CCDC170: variants seen among roughly 807,000 people sequenced by gnomAD.
The protein encoded by CCDC170 is coiled-coil domain-containing protein 170.
Under a neutral mutation model 72.6 loss-of-function variants are expected in CCDC170, and 69 were observed. The ratio of observed to expected loss-of-function variants is 0.95; its 90% CI spans 0.78 to 1.16. The LOEUF (loss-of-function observed/expected upper bound fraction) is 1.16, where lower values mean the gene tolerates loss of function less well. Ranked by LOEUF, CCDC170 falls within the 50% of genes most tolerant of loss-of-function variation. The pLI, the probability that CCDC170 is intolerant of heterozygous loss-of-function variation, is 0.00. For synonymous variants in CCDC170, 300 were observed against 303.9 expected, an observed-to-expected ratio of 0.99 and a Z score of 0.13; for missense variants, 852 against 832.5, an observed-to-expected ratio of 1.02 and a Z score of -0.29.
intron 5 of CCDC170, among the ~76,000 whole-genome samples, chr6:151,570,442 A>G (rs557938339): frequency 5.3e-5 from 8 of 152,360 alleles, no homozygotes; most frequent in African/African-American, 1.4e-4. Flanking sequence ...AAATAACAAA[A>G]CAACAATAAA....
At chr6:151,521,273 T>G (rs542788382) in intron 1 of CCDC170, among the ~76,000 whole-genome samples, 1 of 152,308 alleles carries the variant, frequency 6.6e-6, no homozygotes, top group South Asian at 2.1e-4. Flanking sequence ...AGTCTACCTA[T>G]GCCTGTCCCA....
In CCDC170 at chr6:151,494,047, C is replaced by T. The variant is rs1297385834; in HGVS notation, c.-82C>T. ...GTTTACCCGTTGCCCGAGGAGACACCCGCGCCACCCGCCGGCTCCCGGCGC... is the reference window on the plus strand; with the variant it reads ...GTTTACCCGTTGCCCGAGGAGACACTCGCGCCACCCGCCGGCTCCCGGCGC... On this transcript the variant is annotated 5_prime_UTR_variant, in exon 1 of 11. Coordinates refer to ENST00000239374, the MANE Select transcript of CCDC170 (RefSeq NM_025059.4). The T allele has an allele frequency of 5.9e-6, 8 of 1,348,090 alleles. No individual in the cohort carries two copies. The African/African-American group carries it at 7.7e-5, about 13-fold the overall frequency. The allele number at this position is 1,348,090 out of a possible 1,614,324, so 83.5% of individuals were successfully genotyped here.
At chr6:151,495,453 T>C (rs1225711001) in intron 1 of CCDC170, among the ~76,000 whole-genome samples, 1 of 152,028 alleles carries the variant, frequency 6.6e-6, no homozygotes, top group Non-Finnish European at 1.5e-5. Flanking sequence ...GATTCTTTCT[T>C]TCTCTCTCCT....
chr6:151,563,058 G>A (rs546526703), intron 5 of CCDC170, among the ~76,000 whole-genome samples: 1 of 152,310 alleles, frequency 6.6e-6, no homozygotes, highest in East Asian at 1.9e-4. Context: ...GGGCTGAGGG[G>A]AGAGTCTCTT....
chr6:151,499,604 C>CATTCTGTGTAAGTGGAATCATGCT (rs1562820276), intron 1 of CCDC170, among the ~76,000 whole-genome samples: 17 of 79,796 alleles, frequency 2.1e-4, no homozygotes, highest in South Asian at 8.4e-4. Context: ...GGAATCAGAC[C>CATTCTGTGTAAGTGGAATCATGCT]GTATTTGACT....
At chr6:151,561,755 C>T (rs59598581) in intron 5 of CCDC170, among the ~76,000 whole-genome samples, 7,837 of 152,028 alleles carry the variant, frequency 0.052, 300 homozygotes, top group East Asian at 0.21. Flanking sequence ...GGATGTCAAC[C>T]TCTTTAGCAA....
At chr6:151,511,350 T>C (rs1453576337) in intron 1 of CCDC170, among the ~76,000 whole-genome samples, 1 of 152,230 alleles carries the variant, frequency 6.6e-6, no homozygotes, top group Non-Finnish European at 1.5e-5. Flanking sequence ...CAGGTATTTT[T>C]ATCTTTGACG....
In CCDC170 at chr6:151,554,878, T is replaced by G. The variant is rs990764755; in HGVS notation, c.774+6389T>G. Among the ~76,000 whole-genome samples the G allele has an allele frequency of 5.0e-5, 7 of 140,090 alleles. 1 individual carries two copies. The South Asian group carries it at 1.0e-3, about 20-fold the overall frequency. 91.9% of individuals were successfully genotyped at this position (140,090 alleles called of 152,430 possible). ...TTGATCTTTTTGGACCTCAGTTTTTTTTTTTTTTTTTTTTTTGTGAGACAG... is the reference window on the plus strand; with the variant it reads ...TTGATCTTTTTGGACCTCAGTTTTTGTTTTTTTTTTTTTTTTGTGAGACAG... On this transcript the variant is annotated intron_variant, in intron 5 of 10. Coordinates refer to ENST00000239374, the MANE Select transcript of CCDC170 (RefSeq NM_025059.4).
chr6:151,510,688 C>T (rs1230666999), intron 1 of CCDC170, among the ~76,000 whole-genome samples: 2 of 152,032 alleles, frequency 1.3e-5, no homozygotes, highest in Non-Finnish European at 2.9e-5. Context: ...TAGAAAGGGA[C>T]TTTCACCCTA....
At chr6:151,507,207 T>C (rs1370807018) in intron 1 of CCDC170, among the ~76,000 whole-genome samples, 2 of 152,128 alleles carry the variant, frequency 1.3e-5, no homozygotes, top group Non-Finnish European at 2.9e-5. Context: ...TTGTAGCCCC[T>C]GCCCAATTTC....
chr6:151,575,929 T>G (rs1776296021), intron 6 of CCDC170, among the ~76,000 whole-genome samples: 1 of 152,158 alleles, frequency 6.6e-6, no homozygotes, highest in South Asian at 2.1e-4. Flanking sequence ...ACTTAGTTTT[T>G]CTTGTGACTC....
Position 151,620,852 on chromosome 6 carries a change from C to T in CCDC170, c.*2705C>T, listed in dbSNP as rs1017181044. ...ATATCATTAATTTTATATCAGGATTCATGTAAGAGACTAAAAATGATCCAT... is the reference window on the plus strand; with the variant it reads ...ATATCATTAATTTTATATCAGGATTTATGTAAGAGACTAAAAATGATCCAT... On this transcript the variant is annotated 3_prime_UTR_variant, in exon 11 of 11. Transcript: ENST00000239374. 2 of 151,376 alleles carry T rather than the reference C, an allele frequency of 1.3e-5. No individual in the cohort carries two copies. Among genetic ancestry groups the T allele is most frequent in the Admixed American group, 6.6e-5 (1 of 15,182 alleles). The allele number at this position is 151,376 out of a possible 1,614,324, so 9.4% of individuals were successfully genotyped here.
rs200402314 is a variant in CCDC170, at chr6:151,548,316, C to T, written c.601C>T (p.Arg201Cys). The T allele has an allele frequency of 6.6e-5, 104 of 1,587,130 alleles. No homozygotes were observed. The highest frequency in any genetic ancestry group is 2.8e-4 in the African/African-American group (21 of 73,892). ...EDLILKLRDL[R>C]KENEFVKGQI... ...GCTTTCTCTTCAGCTTAGAGACCTG[C>T]GCAAAGAAAATGAATTCGTGAAAGG... The change falls in exon 5 of 11, where the codon CGC (arginine) becomes TGC (cysteine). Residue 201 changes from arginine to cysteine, a missense_variant. Physicochemically the swap from Arg to Cys is radical, Grantham distance 180 (BLOSUM62 -3). Transcript: ENST00000239374.
chr6:151,604,443 A>G (rs890646695), intron 9 of CCDC170, among the ~76,000 whole-genome samples: 1 of 152,204 alleles, frequency 6.6e-6, no homozygotes, highest in African/African-American at 2.4e-5. Flanking sequence ...TTAGGAGCTG[A>G]GAAAGGTGTG....
chr6:151,548,409 A>G lies in CCDC170; in HGVS notation c.694A>G (p.Ile232Val). ...EMEAKASRET[I>V]MRLASEVNRE... ...GGAAGCAAAAGCTAGCAGAGAAACG[A>G]TCATGAGGCTGGCTTCAGAAGTCAA... The change falls in exon 5 of 11, where the codon ATC becomes GTC. Residue 232 changes from isoleucine to valine, a missense_variant. By Grantham distance (29) the Ile-to-Val change is conservative. Coordinates refer to ENST00000239374, the MANE Select transcript of CCDC170 (RefSeq NM_025059.4). 6.2e-7 allele frequency: 1 copy of G among 1,613,200 alleles called. No individual in the cohort carries two copies. Among genetic ancestry groups the G allele is most frequent in the Non-Finnish European group, 8.5e-7 (1 of 1,179,394 alleles).
intron 3 of CCDC170, among the ~76,000 whole-genome samples, chr6:151,540,481 G>T (rs1782671367): frequency 7.2e-6 from 1 of 139,296 alleles, no homozygotes; most frequent in African/African-American, 2.6e-5. Flanking sequence ...CGCCTCCTGG[G>T]TTCAAGCAAT....
chr6:151,562,717 C>T (rs781746150), intron 5 of CCDC170, among the ~76,000 whole-genome samples: 14 of 152,078 alleles, frequency 9.2e-5, no homozygotes, highest in Admixed American at 2.6e-4. Flanking sequence ...TTTGGTAGTG[C>T]AGTTGAAACT....
At chr6:151,577,163 A>T (rs1240203510) in intron 6 of CCDC170, among the ~76,000 whole-genome samples, 1 of 152,056 alleles carries the variant, frequency 6.6e-6, no homozygotes, top group Admixed American at 6.6e-5. Flanking sequence ...GACATTTTGG[A>T]CTGGATAATT....
rs904705942 is a variant in CCDC170 at position 151,593,005 on chromosome 6, G to T, written c.1294-102G>T. 1.4e-5 allele frequency: 18 copies of T among 1,274,552 alleles called. No individual in the cohort carries two copies. In the African/African-American group the frequency reaches 2.7e-4, roughly 19 times the overall value. 79.0% of individuals were successfully genotyped at this position (1,274,552 alleles called of 1,614,324 possible). A position where few individuals can be genotyped will look rare whatever the true frequency, so the allele number is the denominator to read the frequency against. Reference sequence around the variant, plus strand: ...GCTCCGTTCCATGCTCTCTGCAAAGGAGAATTACCTGTAAGCTTGGGAGAA... The same window carrying T: ...GCTCCGTTCCATGCTCTCTGCAAAGTAGAATTACCTGTAAGCTTGGGAGAA... On this transcript the variant is annotated intron_variant, in intron 7 of 10. Coordinates refer to ENST00000239374, the MANE Select transcript of CCDC170 (RefSeq NM_025059.4).
Sources: allele counts gnomAD v4.1 joint callset (sites outside exome capture counted in the v4.1 genomes callset), GRCh38; gene constraint gnomAD v4.1.1; transcripts MANE v1.5; gene names NCBI Gene and HGNC (gene_info 2026-07-23, HGNC 2026-07-21).